The following KLRG1 variants were observed in gnomAD, a reference collection of about 807,000 sequenced individuals.
The protein encoded by KLRG1 is killer cell lectin-like receptor subfamily G member 1.
In KLRG1, 16 loss-of-function variants were observed where a neutral mutation model predicts 21.8. The ratio of observed to expected loss-of-function variants is 0.73; its 90% CI spans 0.50 to 1.11. The LOEUF (loss-of-function observed/expected upper bound fraction) is 1.11. KLRG1 is among the 50% of genes most tolerant of loss of function. The pLI, the probability that KLRG1 is intolerant of heterozygous loss-of-function variation, is 0.00. For synonymous variants in KLRG1, 69 were observed against 75.9 expected (o/e 0.91, Z 0.47); for missense variants, 173 against 218.3 (o/e 0.79, Z 1.31).
the KLRG1 span, among the ~76,000 whole-genome samples, chr12:9,096,240 A>G: frequency 6.6e-6 from 1 of 152,198 alleles, no homozygotes; most frequent in Non-Finnish European, 1.5e-5. Flanking sequence ...CTAAGTACTC[A>G]TCTAAGTACT....
At chr12:9,123,671 TAA>T in the KLRG1 span, among the ~76,000 whole-genome samples, 1 of 145,300 alleles carries the variant, frequency 6.9e-6, no homozygotes, top group Non-Finnish European at 1.5e-5. Context: ...AAGCTGCAGA[TAA>T]GAGAGAACAA....
At chr12:9,174,529 ATTATCT>A in the KLRG1 span, among the ~76,000 whole-genome samples, 1 of 151,910 alleles carries the variant, frequency 6.6e-6, no homozygotes. Context: ...AGAAAGTCAA[ATTATCT>A]TTATTTGATT....
At chr12:9,177,758 C>G in the KLRG1 span, among the ~76,000 whole-genome samples, 1 of 152,212 alleles carries the variant, frequency 6.6e-6, no homozygotes, top group African/African-American at 2.4e-5. Flanking sequence ...TTTCTTCTCA[C>G]TTCCACAACA....
chr12:9,147,083 C>G, the KLRG1 span, among the ~76,000 whole-genome samples: 1 of 152,160 alleles, frequency 6.6e-6, no homozygotes, highest in African/African-American at 2.4e-5. Context: ...ACTGGCAAGG[C>G]AGATGTCAGT....
At chr12:9,112,639 C>T in the KLRG1 span, 1 of 1,268,142 alleles carries the variant, frequency 7.9e-7, no homozygotes, top group Non-Finnish European at 1.1e-6. Context: ...TCTTACTTAA[C>T]TTCACTCCCT....
the KLRG1 span, among the ~76,000 whole-genome samples, chr12:9,132,790 C>CA: frequency 1.3e-5 from 2 of 152,054 alleles, no homozygotes; most frequent in Non-Finnish European, 2.9e-5. Context: ...TCTGAAGCAC[C>CA]ATTGAGGTAA....
chr12:9,136,431 AT>A, the KLRG1 span, among the ~76,000 whole-genome samples: 1 of 152,056 alleles, frequency 6.6e-6, no homozygotes, highest in Non-Finnish European at 1.5e-5. Context: ...AGTTGTATTG[AT>A]TTCTATATTT....
chr12:9,141,485 A>G, the KLRG1 span, among the ~76,000 whole-genome samples: 44 of 152,312 alleles, frequency 2.9e-4, no homozygotes, highest in African/African-American at 9.4e-4. Context: ...TTTAAGAGAA[A>G]CCAAACCCAC....
intron 1 of KLRG1, among the ~76,000 whole-genome samples, chr12:8,955,375 A>ATTTTTTT (rs61263683): frequency 1.4e-5 from 1 of 71,334 alleles, no homozygotes; most frequent in Non-Finnish European, 2.6e-5. Flanking sequence ...TATTGCTCTG[A>ATTTTTTT]TTTTTTTTTT....
the KLRG1 span, chr12:9,182,021 A>G: frequency 1.9e-6 from 3 of 1,613,968 alleles, no homozygotes; most frequent in Middle Eastern, 1.6e-4. Flanking sequence ...AGAGTCTCCA[A>G]CAACTTCTCC....
At chr12:9,086,906 G>A in the KLRG1 span, among the ~76,000 whole-genome samples, 1 of 152,010 alleles carries the variant, frequency 6.6e-6, no homozygotes, top group Non-Finnish European at 1.5e-5. Context: ...TTCACCAAAG[G>A]GCTGCAAGAA....
the KLRG1 span, chr12:9,101,053 G>GA: frequency 2.4e-6 from 3 of 1,244,032 alleles, no homozygotes; most frequent in Admixed American, 2.5e-5. Flanking sequence ...AAAACCTATG[G>GA]AAAAAAAGGG....
At chr12:9,198,789 G>T in the KLRG1 span, among the ~76,000 whole-genome samples, 1 of 152,148 alleles carries the variant, frequency 6.6e-6, no homozygotes, top group Non-Finnish European at 1.5e-5. Context: ...TTATTCTGAA[G>T]CCCTTCTCCA....
the KLRG1 span, chr12:9,077,532 A>G: frequency 6.8e-7 from 1 of 1,461,532 alleles, no homozygotes; most frequent in Non-Finnish European, 9.4e-7. Flanking sequence ...CCATCCCTAT[A>G]GGGCAAAGTA....
the KLRG1 span, among the ~76,000 whole-genome samples, chr12:9,205,704 A>G: frequency 6.6e-6 from 1 of 152,196 alleles, no homozygotes; most frequent in Admixed American, 6.5e-5. Flanking sequence ...ATTTTCTTAT[A>G]TTATTTTACT....
chr12:8,985,398 C>T (rs1356155584), upstream of KLRG1, among the ~76,000 whole-genome samples: 1 of 152,200 alleles, frequency 6.6e-6, no homozygotes, highest in Non-Finnish European at 1.5e-5. Flanking sequence ...GTGTTCCCCA[C>T]ATACCAATTA....
the KLRG1 span, chr12:9,095,532 A>G: frequency 1.2e-6 from 2 of 1,608,090 alleles, no homozygotes; most frequent in East Asian, 2.2e-5. Context: ...CAACATAAGG[A>G]GTTTACCTCT....
the KLRG1 span, chr12:9,072,862 C>T: frequency 1.2e-6 from 2 of 1,613,688 alleles, no homozygotes; most frequent in South Asian, 1.1e-5. Flanking sequence ...TGGAGAGCCA[C>T]CACTGTGTCC....
intron 1 of KLRG1, among the ~76,000 whole-genome samples, chr12:8,951,386 T>C (rs1003509580): frequency 2.0e-5 from 3 of 152,164 alleles, no homozygotes; most frequent in African/African-American, 7.2e-5. Flanking sequence ...GGAAGATTGC[T>C]TGAGCCTGGG....
Sources: allele counts gnomAD v4.1 joint callset (sites outside exome capture counted in the v4.1 genomes callset), GRCh38; gene constraint gnomAD v4.1.1; transcripts MANE v1.5; gene names NCBI Gene and HGNC (gene_info 2026-07-23, HGNC 2026-07-21).